EIF3M: variants seen among roughly 807,000 people sequenced by gnomAD.
EIF3M encodes the protein eukaryotic translation initiation factor 3 subunit M.
Under a neutral mutation model 49.7 loss-of-function variants are expected in EIF3M, and 25 were observed. The observed-to-expected ratio is 0.50, with a 90% CI of 0.37 to 0.70. The LOEUF (loss-of-function observed/expected upper bound fraction) is 0.70. Among genes scored for constraint, EIF3M ranks in the 30% least tolerant of loss-of-function variants. The pLI, the probability that EIF3M is intolerant of heterozygous loss-of-function variation, is 0.00. For missense variants in EIF3M, 350 were observed against 440.0 expected (o/e 0.80, Z 1.83); for synonymous variants, 156 against 149.8 (o/e 1.04, Z -0.30).
chr11:32,596,600 C>CAAAA (rs35206274), intron 8 of EIF3M, among the ~76,000 whole-genome samples: 7 of 116,324 alleles, frequency 6.0e-5, no homozygotes, highest in Non-Finnish European at 8.8e-5. Flanking sequence ...GAGTCTGTCT[C>CAAAA]AAAAAAAAAA....
At chr11:32,584,935 T>C (rs938324324) in intron 1 of EIF3M, among the ~76,000 whole-genome samples, 14 of 152,256 alleles carry the variant, frequency 9.2e-5, no homozygotes, top group African/African-American at 3.4e-4. Flanking sequence ...TTTGTATTGC[T>C]GAAAATTCTT....
chr11:32,595,987 G>A lies in EIF3M; in HGVS notation c.739G>A (p.Ala247Thr). The A allele has an allele frequency of 6.4e-7, 1 of 1,572,464 alleles. No homozygotes were observed. The highest frequency in any genetic ancestry group is 8.6e-7 in the Non-Finnish European group (1 of 1,167,182). ...ATAGCTTTTAACCATTTTTGTGAGT[G>A]CTAAATTGGCATCATATGTCAAGTT... Reference protein sequence around the residue: ...IHDLLTIFVSAKLASYVKFYQ... With the variant: ...IHDLLTIFVSTKLASYVKFYQ... Residue 247 changes from alanine (A) to threonine (T), a missense_variant, in exon 8 of 11, where the codon GCT (alanine) becomes ACT (threonine). Transcript: ENST00000531120.
At chr11:32,588,848 G>A in intron 3 of EIF3M, 116 bp downstream of exon 3, 2 of 1,554,336 alleles carry the variant, frequency 1.3e-6, no homozygotes, top group Non-Finnish European at 1.7e-6. Context: ...GCTCATATTA[G>A]CTGTGACCTT....
In EIF3M at chr11:32,603,063, A is replaced by G. The variant is rs772738418; in HGVS notation, c.*664A>G. On this transcript the variant is annotated 3_prime_UTR_variant, in exon 11 of 11. Coordinates refer to ENST00000531120, the MANE Select transcript of EIF3M (RefSeq NM_006360.6). Reference sequence around the variant, plus strand: ...ATTTTACCTTCGAAATTATTATACAAAAGATTTTAAAGAGTCTGTAAAGCC... The same window carrying G: ...ATTTTACCTTCGAAATTATTATACAGAAGATTTTAAAGAGTCTGTAAAGCC... The G allele has an allele frequency of 2.1e-6, 3 of 1,460,624 alleles. No homozygotes were observed. Among genetic ancestry groups the G allele is most frequent in the Non-Finnish European group, 2.8e-6 (3 of 1,067,522 alleles). The allele number at this position is 1,460,624 out of a possible 1,614,324, so 90.5% of individuals were successfully genotyped here. A position where few individuals can be genotyped will look rare whatever the true frequency, so the allele number is the denominator to read the frequency against.
At chr11:32,591,609 A>C (rs1855104127) in intron 5 of EIF3M, among the ~76,000 whole-genome samples, 1 of 152,212 alleles carries the variant, frequency 6.6e-6, no homozygotes, top group Admixed American at 6.5e-5. Context: ...GTCCTGAACA[A>C]GAAGGCTTTC....
At position 32,588,575 on chromosome 11, in the gene EIF3M, GT is replaced by G. The variant is rs1245560798; in HGVS notation, c.176-17del. The G allele has an allele frequency of 6.2e-7, 1 of 1,610,526 alleles. No individual in the cohort carries two copies. ...GTATTGTAGTATCACTGTTGATTGT[GT>G]TATCCATACTTGTGTAGATGTTGAA... On this transcript the variant is annotated intron_variant, in intron 2 of 10. Transcript: ENST00000531120.
At position 32,588,694 on chromosome 11, in the gene EIF3M, A is replaced by C. The variant is rs777148441; in HGVS notation, c.276A>C (p.Lys92Asn). 1 of 1,614,198 alleles carries C rather than the reference A, an allele frequency of 6.2e-7. No homozygotes were observed. The highest frequency in any genetic ancestry group is 1.7e-5 in the Admixed American group (1 of 60,022). Residue 92 changes from lysine to asparagine, a missense_variant, in exon 3 of 11, where the codon AAA becomes AAC. Physicochemically the swap from Lys to Asn is moderately conservative, Grantham distance 94. Transcript: ENST00000531120. The part of the protein sequence containing the change: ...LIESLCEKLV[K>N]FREGERPSLR... The stretch of plus-strand genomic sequence containing the variant: ...AAAGCCTATGTGAAAAGCTGGTCAA[A>C]TTTCGCGAAGGTGAACGCCCGTCTC...
In EIF3M at chr11:32,605,160, C is replaced by CT. The variant is rs548347158; in HGVS notation, c.*2781dup. 0.092 allele frequency: 11,585 copies of CT among 125,648 alleles called. 581 individuals are homozygous for CT. The highest frequency in any genetic ancestry group is 0.12 in the Non-Finnish European group (6,920 of 58,954). 7.8% of individuals were successfully genotyped at this position (125,648 alleles called of 1,614,324 possible). Reference sequence around the variant, plus strand: ...AGCCACCCTGCCCGACCTAGTAATACTTTTTTTTTTTTTTTTTTTTAATGA... The same window carrying CT: ...AGCCACCCTGCCCGACCTAGTAATACTTTTTTTTTTTTTTTTTTTTTAATGA... On this transcript the variant is annotated 3_prime_UTR_variant, in exon 11 of 11. Coordinates refer to ENST00000531120, the MANE Select transcript of EIF3M (RefSeq NM_006360.6).
intron 8 of EIF3M, among the ~76,000 whole-genome samples, chr11:32,596,302 A>G (rs1855176200): frequency 6.6e-6 from 1 of 152,134 alleles, no homozygotes; most frequent in African/African-American, 2.4e-5. Context: ...GAGTATGAAA[A>G]CAACTCGGGG....
intron 8 of EIF3M, among the ~76,000 whole-genome samples, chr11:32,598,697 ATTGTAAC>A (rs1855215640): frequency 6.6e-6 from 1 of 152,060 alleles, no homozygotes; most frequent in Non-Finnish European, 1.5e-5. Flanking sequence ...TTATGGTAAG[ATTGTAAC>A]TGCAGAAAAG....
intron 1 of EIF3M, 145 bp from the exon 2 acceptor site, chr11:32,586,867 G>T: frequency 9.0e-7 from 1 of 1,107,974 alleles, no homozygotes; most frequent in Non-Finnish European, 1.2e-6. Context: ...TGCCAAGATG[G>T]ATGAGGTGAG....
intron 6 of EIF3M, chr11:32,594,391 T>C (rs1440679573): frequency 6.4e-6 from 1 of 155,816 alleles, no homozygotes; most frequent in Non-Finnish European, 1.4e-5. Context: ...ATTATGAAAC[T>C]TCTTTTTTTG....
At chr11:32,601,129 G>T in intron 9 of EIF3M, 1 of 203,076 alleles carries the variant, frequency 4.9e-6, no homozygotes, top group Non-Finnish European at 9.8e-6. Flanking sequence ...CCCTTCCTTT[G>T]TGAAACAGGA....
chr11:32,595,515 G>A (rs1275348706), intron 7 of EIF3M, among the ~76,000 whole-genome samples: 5 of 152,266 alleles, frequency 3.3e-5, no homozygotes, highest in African/African-American at 7.2e-5. Context: ...GATTACAGGC[G>A]TGAGCCACTG....
chr11:32,602,299 T>G lies in EIF3M; in HGVS notation c.1025T>G (p.Phe342Cys). 1.9e-6 allele frequency: 3 copies of G among 1,611,752 alleles called. No individual in the cohort carries two copies. The highest frequency in any genetic ancestry group is 2.5e-6 in the Non-Finnish European group (3 of 1,178,628). Residue 342 changes from phenylalanine to cysteine, a missense_variant, in exon 11 of 11, where the codon TTT becomes TGT. By Grantham distance (205) the Phe-to-Cys change is radical. Transcript: ENST00000531120. ...VVVSHSTHRT[F>C]GKQQWQQLYD... ...TTTAGTCATAGCACACATCGGACATTTGGAAAACAGCAGTGGCAACAACTG... is the reference window on the plus strand; with the variant it reads ...TTTAGTCATAGCACACATCGGACATGTGGAAAACAGCAGTGGCAACAACTG...
chr11:32,602,129 T>A (rs186745785), intron 10 of EIF3M, 150 bp from the exon 11 acceptor site: 247 of 1,221,000 alleles, frequency 2.0e-4, no homozygotes, highest in East Asian at 1.2e-3. Context: ...AGATTTTTTT[T>A]AAATAATTAT....
chr11:32,585,268 G>T (rs1195561448), intron 1 of EIF3M, among the ~76,000 whole-genome samples: 4 of 152,216 alleles, frequency 2.6e-5, no homozygotes, highest in African/African-American at 9.6e-5. Flanking sequence ...ACAGTTGGCT[G>T]TTAGGTTAAC....
intron 2 of EIF3M, among the ~76,000 whole-genome samples, chr11:32,587,352 G>A (rs1016904711): frequency 6.6e-6 from 1 of 152,198 alleles, no homozygotes; most frequent in South Asian, 2.1e-4. Context: ...GGGCACAGGT[G>A]ATATTTTGAT....
chr11:32,586,458 A>G (rs1219872953), intron 1 of EIF3M, among the ~76,000 whole-genome samples: 1 of 152,180 alleles, frequency 6.6e-6, no homozygotes, highest in Non-Finnish European at 1.5e-5. Flanking sequence ...ATCCAGTTCG[A>G]TGTAATTTTA....
Sources: allele counts gnomAD v4.1 joint callset (sites outside exome capture counted in the v4.1 genomes callset), GRCh38; gene constraint gnomAD v4.1.1; transcripts MANE v1.5; gene names NCBI Gene and HGNC (gene_info 2026-07-23, HGNC 2026-07-21).